SPAG6: variants seen among roughly 807,000 people sequenced by gnomAD.
SPAG6 encodes sperm-associated antigen 6.
A neutral mutation model predicts 58.5 loss-of-function variants in SPAG6; 49 were observed. The ratio of observed to expected loss-of-function variants is 0.84; its 90% CI spans 0.67 to 1.06. SPAG6 has a LOEUF of 1.06. SPAG6 is among the 50% of genes least tolerant of loss of function. The pLI is 0.00. For synonymous variants in SPAG6, 233 were observed against 225.6 expected (o/e 1.03, Z -0.29); for missense variants, 560 against 611.3 (o/e 0.92, Z 0.89).
chr10:22,346,539 CTTCT>C lies in SPAG6; in HGVS notation c.121+727_121+730del, dbSNP rs1260812481. 2.2e-5 allele frequency among the ~76,000 whole-genome samples: 3 copies of C among 135,782 alleles called. No individual in the cohort carries two copies. The East Asian group carries it at 6.5e-4, about 30-fold the overall frequency. The allele number at this position is 135,782 out of a possible 152,430, so 89.1% of individuals were successfully genotyped here. ...TCTTCTTCTTCTTCTTTTCTTCTTT[CTTCT>C]TTCTTCTTCTTTTTTTTTGGATGAT... On this transcript the variant is annotated intron_variant, in intron 2 of 10. Coordinates refer to ENST00000376624, the MANE Select transcript of SPAG6 (RefSeq NM_012443.4).
At chr10:22,397,094 C>T (rs1002731595) in intron 8 of SPAG6, among the ~76,000 whole-genome samples, 3 of 151,962 alleles carry the variant, frequency 2.0e-5, no homozygotes, top group Non-Finnish European at 4.4e-5. Flanking sequence ...TTTTATTTTG[C>T]TCACAGCCAT....
At chr10:22,374,908 A>G (rs1833782731) in intron 4 of SPAG6, among the ~76,000 whole-genome samples, 1 of 152,242 alleles carries the variant, frequency 6.6e-6, no homozygotes, top group African/African-American at 2.4e-5. Context: ...AACAGGAGGA[A>G]GTGATACATG....
chr10:22,383,365 C>T (rs975673139), intron 4 of SPAG6, among the ~76,000 whole-genome samples: 7 of 151,974 alleles, frequency 4.6e-5, no homozygotes, highest in Non-Finnish European at 7.4e-5. Flanking sequence ...AAAACCTGGG[C>T]GCAGTGGCTC....
intron 8 of SPAG6, among the ~76,000 whole-genome samples, chr10:22,396,076 T>A (rs1056401044): frequency 1.3e-5 from 2 of 152,028 alleles, no homozygotes; most frequent in Non-Finnish European, 2.9e-5. Flanking sequence ...AAAGGGGCAA[T>A]AAGAATGTCT....
At chr10:22,415,463 G>A (rs938889947) in intron 10 of SPAG6, among the ~76,000 whole-genome samples, 2 of 152,068 alleles carry the variant, frequency 1.3e-5, no homozygotes, top group South Asian at 2.1e-4. Context: ...AGAATACTTC[G>A]AAGAAACCCA....
intron 8 of SPAG6, among the ~76,000 whole-genome samples, chr10:22,400,256 A>G (rs1406215409): frequency 1.3e-5 from 2 of 152,170 alleles, no homozygotes; most frequent in Non-Finnish European, 2.9e-5. Flanking sequence ...GAGAAAAGCC[A>G]TAAGGGAGCA....
intron 9 of SPAG6, among the ~76,000 whole-genome samples, chr10:22,408,632 G>C (rs985652406): frequency 3.3e-5 from 5 of 152,086 alleles, no homozygotes; most frequent in African/African-American, 1.2e-4. Context: ...TACAGAGGCA[G>C]GCAGGCCTCC....
Position 22,364,091 on chromosome 10 carries a change from G to T in SPAG6, c.122-762G>T, listed in dbSNP as rs143979709. Among the ~76,000 whole-genome samples, 47 of 152,232 alleles carry T rather than the reference G, an allele frequency of 3.1e-4. No individual in the cohort carries two copies. The East Asian group carries it at 4.8e-3, about 16-fold the overall frequency. ...TTCCCACCTCCTCAGTTTTCAATAT[G>T]TATTTTTTAACAATTATCAATGAAA... is the stretch of plus-strand genomic sequence containing the variant. On this transcript the variant is annotated intron_variant, in intron 2 of 10. Transcript: ENST00000376624.
At chr10:22,359,925 T>G (rs934093155) in intron 2 of SPAG6, among the ~76,000 whole-genome samples, 1 of 152,206 alleles carries the variant, frequency 6.6e-6, no homozygotes, top group Admixed American at 6.5e-5. Flanking sequence ...CAATGTTAAA[T>G]GTCTTTGTAA....
intron 9 of SPAG6, among the ~76,000 whole-genome samples, chr10:22,406,957 A>G (rs1834573454): frequency 6.6e-6 from 1 of 151,952 alleles, no homozygotes; most frequent in Admixed American, 6.5e-5. Flanking sequence ...CTAGGATTGC[A>G]ACCCCTACCT....
intron 2 of SPAG6, 113 bp from the exon 3 acceptor site, chr10:22,364,740 T>A: frequency 1.4e-6 from 1 of 710,214 alleles, no homozygotes; most frequent in South Asian, 2.3e-5. Flanking sequence ...GTGAATAGTT[T>A]TATTTTTACT....
Position 22,391,903 on chromosome 10 carries a change from G to A in SPAG6, c.1180G>A (p.Glu394Lys). 1 of 1,611,872 alleles carries A rather than the reference G, an allele frequency of 6.2e-7. No homozygotes were observed. Among genetic ancestry groups the A allele is most frequent in the East Asian group, 2.2e-5 (1 of 44,856 alleles). ...LSLYMSTESS[E>K]DLQVKSKKAI... ...TTTGTACATGTCAACAGAAAGTTCT[G>A]AGGATCTCCAAGTAAAAGTAAGTGC... Residue 394 changes from glutamate (E) to lysine (K), a missense_variant, in exon 8 of 11, where the codon GAG becomes AAG. By Grantham distance (56) the Glu-to-Lys change is moderately conservative. Transcript: ENST00000376624.
In SPAG6 at chr10:22,387,943, G is replaced by C. The variant is rs763609429; in HGVS notation, c.799G>C (p.Val267Leu). The C allele has an allele frequency of 1.9e-6, 3 of 1,612,326 alleles. No homozygotes were observed. Among genetic ancestry groups the C allele is most frequent in the Non-Finnish European group, 2.5e-6 (3 of 1,179,238 alleles). ...CTGTCTGAAGGACAAGGATGAATACGTGAAGAAAAATGCTTCTACTTTAAT... is the reference window on the plus strand; with the variant it reads ...CTGTCTGAAGGACAAGGATGAATACCTGAAGAAAAATGCTTCTACTTTAAT... ...LTCLKDKDEY[V>L]KKNASTLIRE... Residue 267 changes from valine (V) to leucine (L), a missense_variant, in exon 6 of 11, where the codon GTG (valine) becomes CTG (leucine). By Grantham distance (32) the Val-to-Leu change is conservative. Coordinates refer to ENST00000376624, the MANE Select transcript of SPAG6 (RefSeq NM_012443.4).
At position 22,368,657 on chromosome 10, in the gene SPAG6, T is replaced by C. The variant is rs757801296; in HGVS notation, c.451T>C (p.Tyr151His). Reference sequence around the variant, plus strand: ...GGAGGCTGCAGCCTGGGCACTTAGATATATTGCAAGACATAATGCAGGTAA... The same window carrying C: ...GGAGGCTGCAGCCTGGGCACTTAGACATATTGCAAGACATAATGCAGGTAA... ...VKEAAAWALR[Y>H]IARHNAELSQ... is the part of the protein sequence containing the mutation. The change falls in exon 4 of 11, where the codon TAT becomes CAT. Residue 151 changes from tyrosine (Y) to histidine (H), a missense_variant. By Grantham distance (83) the Tyr-to-His change is moderately conservative (BLOSUM62 2). Transcript: ENST00000376624. 6.2e-7 allele frequency: 1 copy of C among 1,613,320 alleles called. No homozygotes were observed. Among genetic ancestry groups the C allele is most frequent in the Admixed American group, 1.7e-5 (1 of 59,978 alleles).
At chr10:22,411,200 G>A (rs377090942) in intron 10 of SPAG6, 24 bp downstream of exon 10, 7 of 1,584,260 alleles carry the variant, frequency 4.4e-6, no homozygotes, top group East Asian at 2.3e-5. Flanking sequence ...ACTTTGAAAC[G>A]TTCAATATTA....
In SPAG6 at chr10:22,391,837, C is replaced by A; in HGVS notation, c.1114C>A (p.Arg372=). ...TGGAAGACACACTCCTGAACACGCA[C>A]GGGCTGTTGCAGTCACAAATACTTT... ...QIGRHTPEHA[R]AVAVTNTLPV... is the part of the protein sequence containing the mutation. Residue 372 remains arginine (R), a synonymous_variant, in exon 8 of 11, where the codon CGG becomes AGG. Coordinates refer to ENST00000376624, the MANE Select transcript of SPAG6 (RefSeq NM_012443.4). The A allele has an allele frequency of 1.2e-6, 2 of 1,613,488 alleles. No homozygotes were observed. Among genetic ancestry groups the A allele is most frequent in the Non-Finnish European group, 8.5e-7 (1 of 1,179,674 alleles).
At chr10:22,400,076 A>T (rs1834374846) in intron 8 of SPAG6, among the ~76,000 whole-genome samples, 1 of 152,194 alleles carries the variant, frequency 6.6e-6, no homozygotes, top group Non-Finnish European at 1.5e-5. Flanking sequence ...TACTAACAAC[A>T]CACCTGTGGT....
chr10:22,358,159 C>A (rs1195281671), intron 2 of SPAG6, among the ~76,000 whole-genome samples: 3 of 152,280 alleles, frequency 2.0e-5, no homozygotes, highest in African/African-American at 7.2e-5. Context: ...GGAATCGCCA[C>A]ACTGACTTCA....
At chr10:22,350,112 T>C (rs1441102906) in intron 2 of SPAG6, among the ~76,000 whole-genome samples, 1 of 152,178 alleles carries the variant, frequency 6.6e-6, no homozygotes, top group African/African-American at 2.4e-5. Flanking sequence ...TTGACTTTTT[T>C]TTTTTTTGGT....
Sources: gnomAD v4.1 joint callset for allele counts (sites outside exome capture counted in the v4.1 genomes callset) on GRCh38, gnomAD v4.1.1 for gene constraint, MANE v1.5 for transcripts, NCBI Gene and HGNC (gene_info 2026-07-23, HGNC 2026-07-21) for gene names.